The following TTN variants were observed in gnomAD, a reference collection of about 807,000 sequenced individuals.
TTN encodes titin.
A neutral mutation model predicts 3,223.0 loss-of-function variants in TTN; 1,525 were observed. The observed-to-expected ratio is 0.47, with a 90% CI of 0.45 to 0.49. The LOEUF (loss-of-function observed/expected upper bound fraction) is 0.49, where lower values mean the gene tolerates loss of function less well. Ranked by LOEUF, TTN falls within the 20% of genes least tolerant of loss-of-function variation. The probability of loss-of-function intolerance (pLI) is 0.00; values close to 1 mark genes in which losing one functional copy is unlikely to be tolerated. For missense variants in TTN, 40,786 were observed against 43,424.0 expected, an observed-to-expected ratio of 0.94 and a Z score of 5.40; for synonymous variants, 14,094 against 15,161.0, an observed-to-expected ratio of 0.93 and a Z score of 5.17.
chr2:178,598,003 C>T lies in TTN; in HGVS notation c.57167G>A (p.Gly19056Glu). The change falls in exon 293 of 363, where the codon GGA becomes GAA. Residue 19056 changes from glycine to glutamate, a missense_variant. Gly to Glu is a moderately conservative substitution (Grantham distance 98). Transcript: ENST00000589042. ...TCTAACTCTAAATTTGTAGAATGCT[C>T]CTTCCTTTAATCCTGTCACAACAAG... ...TKLVVTGLKEGAFYKFRVRAV... is the reference protein window; with the variant it reads ...TKLVVTGLKEEAFYKFRVRAV... 6.2e-7 allele frequency: 1 copy of T among 1,613,418 alleles called. No homozygotes were observed. Among genetic ancestry groups the T allele is most frequent in the African/African-American group, 1.3e-5 (1 of 75,028 alleles).
At chr2:178,538,889 A>C in intron 353 of TTN, 50 bp from the exon 354 acceptor site, 1 of 1,578,170 alleles carries the variant, frequency 6.3e-7, no homozygotes, top group South Asian at 1.2e-5. Flanking sequence ...CTGGTGAAAT[A>C]AAAGGACCAA....
rs776249400 is a variant in TTN, at chr2:178,614,581, A to G, written c.48933T>C (p.Pro16311=). The G allele has an allele frequency of 1.9e-6, 3 of 1,612,238 alleles. No homozygotes were observed. In the East Asian group the frequency reaches 6.7e-5, roughly 36 times the overall value. Residue 16311 remains proline, a synonymous_variant, in exon 261 of 363, where the codon CCT becomes CCC. Transcript: ENST00000589042. ...QDKRITIENV[P]KKSTVTIVDS... is the part of the protein sequence containing the mutation. ...CAACAATAGTCACTGTGGATTTCTTAGGGACATTTTCAATGGTAATTCTTT... is the reference window on the plus strand; with the variant it reads ...CAACAATAGTCACTGTGGATTTCTTGGGGACATTTTCAATGGTAATTCTTT...
chr2:178,614,156 T>C lies in TTN; in HGVS notation c.49241A>G (p.Lys16414Arg), dbSNP rs1329659749. The C allele has an allele frequency of 2.5e-6, 4 of 1,612,512 alleles. No homozygotes were observed. Among genetic ancestry groups the C allele is most frequent in the Admixed American group, 3.3e-5 (2 of 59,878 alleles). Residue 16414 changes from lysine (K) to arginine (R), a missense_variant, in exon 262 of 363, where the codon AAA becomes AGA. Lys to Arg is a conservative substitution (Grantham distance 26). Transcript: ENST00000589042. ...TVKDTNFKAT[K>R]LIPNKEYIFR... ...GATGTACTCTTTATTGGGGATTAAT[T>C]TGGTGGCCTTGAAGTTTGTATCCTT...
intron 13 of TTN, among the ~76,000 whole-genome samples, chr2:178,787,031 A>G (rs2154352223): frequency 6.6e-6 from 1 of 152,332 alleles, no homozygotes; most frequent in East Asian, 1.9e-4. Context: ...TGGAAACAGC[A>G]TACCTCAAAA....
chr2:178,673,756 G>A, intron 151 of TTN, 46 bp from the exon 152 acceptor site: 5 of 1,350,338 alleles, frequency 3.7e-6, no homozygotes, highest in Non-Finnish European at 5.2e-6. Flanking sequence ...CATGTGATGA[G>A]CAGAACACCA....
Position 178,792,095 on chromosome 2 carries a change from GT to G in TTN, c.1638del (p.Lys546AsnfsTer5). On this transcript the variant is annotated frameshift_variant, in exon 10 of 363. Transcript: ENST00000589042. LOFTEE classifies it high-confidence loss of function. ...ACTGCTTCTTGAGTTACTTGTTTCT[GT>G]TTCTTAGTAATTTCTTCAGAAATTC... ...ETRISEEITK[K>X]QKQVTQEAIR... 1 of 1,612,430 alleles carries G rather than the reference GT, an allele frequency of 6.2e-7. No homozygotes were observed. The highest frequency in any genetic ancestry group is 8.5e-7 in the Non-Finnish European group (1 of 1,179,242).
intron 78 of TTN, 30 bp from the exon 79 acceptor site, chr2:178,721,232 G>A (rs767989008): frequency 2.4e-5 from 36 of 1,518,598 alleles, no homozygotes; most frequent in Non-Finnish European, 3.0e-5. Context: ...AGTCAGTAAG[G>A]GATATTTATT....
Position 178,565,155 on chromosome 2 carries a change from A to G in TTN, c.80977T>C (p.Ser26993Pro). 1 of 1,613,348 alleles carries G rather than the reference A, an allele frequency of 6.2e-7. No individual in the cohort carries two copies. Among genetic ancestry groups the G allele is most frequent in the Middle Eastern group, 1.7e-4 (1 of 6,052 alleles). Residue 26993 changes from serine to proline, a missense_variant, in exon 326 of 363, where the codon TCT becomes CCT. By Grantham distance (74) the Ser-to-Pro change is moderately conservative (BLOSUM62 -1). Transcript: ENST00000589042. The stretch of plus-strand genomic sequence containing the variant: ...CCAGTATAGGCTGGAGGTTCCCAAG[A>G]TATGACTACAAAGTCTGCACTAACT... ...DEVSADFVVI[S>P]WEPPAYTGGC...
At chr2:178,755,203 G>C (rs2086581226) in intron 46 of TTN, among the ~76,000 whole-genome samples, 1 of 151,574 alleles carries the variant, frequency 6.6e-6, no homozygotes, top group South Asian at 2.1e-4. Context: ...GAAAGTCCAT[G>C]GATAAGAGGA....
Position 178,650,750 on chromosome 2 carries a change from C to A in TTN, c.39709+1G>T, listed in dbSNP as rs1576940155. On this transcript the variant is annotated splice_donor_variant, in intron 209 of 362. Transcript: ENST00000589042. LOFTEE classifies it high-confidence loss of function. ...TCATTAATCACCGGTCTCACGTGTACCTTCTGGGGGAGGAGACTCCGCTCT... is the reference window on the plus strand; with the variant it reads ...TCATTAATCACCGGTCTCACGTGTAACTTCTGGGGGAGGAGACTCCGCTCT... 1.2e-6 allele frequency: 2 copies of A among 1,600,552 alleles called. No homozygotes were observed. Among genetic ancestry groups the A allele is most frequent in the Admixed American group, 1.7e-5 (1 of 58,574 alleles).
Position 178,672,031 on chromosome 2 carries a change from T to A in TTN, c.35167A>T (p.Ile11723Leu). The change falls in exon 155 of 363, where the codon ATA (isoleucine) becomes TTA (leucine). Residue 11723 changes from isoleucine (I) to leucine (L), a missense_variant. Coordinates refer to ENST00000589042, the MANE Select transcript of TTN (RefSeq NM_001267550.2). Reference sequence around the variant, plus strand: ...ACTTCTTCAGCCTCAAAAACTTCTATTACCCTATGAACTTTTTCAACTCTG... The same window carrying A: ...ACTTCTTCAGCCTCAAAAACTTCTAATACCCTATGAACTTTTTCAACTCTG... The part of the protein sequence containing the change: ...EHRVEKVHRV[I>L]EVFEAEEVEV... The A allele has an allele frequency of 6.2e-7, 1 of 1,610,804 alleles. No homozygotes were observed. Among genetic ancestry groups the A allele is most frequent in the Non-Finnish European group, 8.5e-7 (1 of 1,178,794 alleles).
At position 178,704,289 on chromosome 2, in the gene TTN, G is replaced by T; in HGVS notation, c.30081C>A (p.Ile10027=). 6.2e-7 allele frequency: 1 copy of T among 1,613,962 alleles called. No homozygotes were observed. The highest frequency in any genetic ancestry group is 8.5e-7 in the Non-Finnish European group (1 of 1,179,868). ...TTTTATGTCTACCTTGGGGTTTAAG[G>T]ATTCTGCCATTTCTGAACCATTCAG... is the stretch of plus-strand genomic sequence containing the variant. ...VKSEWFRNGR[I]LKPQGRHKTE... is the part of the protein sequence containing the mutation. Residue 10027 remains isoleucine (I), a synonymous_variant, in exon 106 of 363, where the codon ATC becomes ATA. Coordinates refer to ENST00000589042, the MANE Select transcript of TTN (RefSeq NM_001267550.2).
chr2:178,567,144 T>C lies in TTN; in HGVS notation c.78988A>G (p.Ser26330Gly), dbSNP rs1188453832. The change falls in exon 326 of 363, where the codon AGT (serine) becomes GGT (glycine). Residue 26330 changes from serine to glycine, a missense_variant. By Grantham distance (56) the Ser-to-Gly change is moderately conservative. Coordinates refer to ENST00000589042, the MANE Select transcript of TTN (RefSeq NM_001267550.2). ...SHYVVEKRET[S>G]RLAWTVVASE... ...GCAACAACAGTCCAGGCAAGTCGAC[T>C]GGTTTCTCGCTTTTCAACAACATAG... 6 of 1,613,540 alleles carry C rather than the reference T, an allele frequency of 3.7e-6. No homozygotes were observed. In the South Asian group the frequency reaches 5.5e-5, roughly 15 times the overall value.
intron 90 of TTN, among the ~76,000 whole-genome samples, 162 bp from the exon 91 acceptor site, chr2:178,714,735 G>C (rs1268558589): frequency 6.6e-6 from 1 of 152,154 alleles, no homozygotes; most frequent in Non-Finnish European, 1.5e-5. Flanking sequence ...TTTGTATTCA[G>C]TAGGAAAGTT....
Position 178,688,190 on chromosome 2 carries a change from C to T in TTN, c.32232G>A (p.Glu10744=). 1 of 1,612,922 alleles carries T rather than the reference C, an allele frequency of 6.2e-7. No individual in the cohort carries two copies. Among genetic ancestry groups the T allele is most frequent in the Non-Finnish European group, 8.5e-7 (1 of 1,179,776 alleles). The change falls in exon 127 of 363, where the codon GAG becomes GAA. Residue 10744 remains glutamate (E), a synonymous_variant. Coordinates refer to ENST00000589042, the MANE Select transcript of TTN (RefSeq NM_001267550.2). ...AAACTGAAATGGACACACCTTCCTC[C>T]TCTTCTGAGTAACTCCATTCCTCCT... ...SAEEEWSYSE[E]EEGVSISVYR... is the part of the protein sequence containing the mutation.
At chr2:178,775,281 A>C in intron 28 of TTN, 75 bp downstream of exon 28, 1 of 1,612,208 alleles carries the variant, frequency 6.2e-7, no homozygotes, top group Non-Finnish European at 8.5e-7. Context: ...TGGGGAAAGA[A>C]AATAAAAGTA....
intron 9 of TTN, among the ~76,000 whole-genome samples, chr2:178,792,857 C>T (rs1378799400): frequency 6.6e-6 from 1 of 152,220 alleles, no homozygotes; most frequent in Admixed American, 6.5e-5. Context: ...TGGCCAAGAG[C>T]TCTACTAACT....
rs774551356 is a variant in TTN, at chr2:178,757,794, C to T, written c.10426G>A (p.Val3476Met). 3 of 1,613,290 alleles carry T rather than the reference C, an allele frequency of 1.9e-6. No individual in the cohort carries two copies. In the African/African-American group the frequency reaches 4.0e-5, roughly 22 times the overall value. The stretch of plus-strand genomic sequence containing the variant: ...AATCTGACTGTCTCCCCGTTGTGCA[C>T]CCTGAGGCTTGACAGAGGCTGGATG... ...SFIQPLSSLR[V>M]HNGETVRFHA... Residue 3476 changes from valine (V) to methionine (M), a missense_variant, in exon 45 of 363, where the codon GTG becomes ATG. Val to Met is a conservative substitution (Grantham distance 21). Transcript: ENST00000589042.
chr2:178,591,372 T>C lies in TTN; in HGVS notation c.60353A>G (p.Glu20118Gly). ...TGTGTAGTGCTCATCGGTTTTAATC[T>C]CACTCCCATCGGTTGTCCACTTTGC... Reference protein sequence around the residue: ...PTAKWTTDGSEIKTDEHYTVE... With the variant: ...PTAKWTTDGSGIKTDEHYTVE... Residue 20118 changes from glutamate to glycine, a missense_variant, in exon 304 of 363, where the codon GAG becomes GGG. Transcript: ENST00000589042. 1 of 1,613,306 alleles carries C rather than the reference T, an allele frequency of 6.2e-7. No homozygotes were observed. Among genetic ancestry groups the C allele is most frequent in the Non-Finnish European group, 8.5e-7 (1 of 1,179,498 alleles).
Sources: allele counts gnomAD v4.1 joint callset (sites outside exome capture counted in the v4.1 genomes callset), GRCh38; gene constraint gnomAD v4.1.1; transcripts MANE v1.5; gene names NCBI Gene and HGNC (gene_info 2026-07-23, HGNC 2026-07-21).